Variants in LUC7L2 observed in about 807,000 individuals in gnomAD.
LUC7L2 encodes LUC7 like 2, pre-mRNA splicing factor, also known as putative RNA-binding protein Luc7-like 2.
Under a neutral mutation model 52.8 loss-of-function variants are expected in LUC7L2, and 25 were observed. That is an observed-to-expected ratio of 0.47 (90% CI 0.34 to 0.66). The LOEUF (loss-of-function observed/expected upper bound fraction) is 0.66. Ranked by LOEUF, LUC7L2 falls within the 30% of genes least tolerant of loss-of-function variation. The pLI, the probability that LUC7L2 is intolerant of heterozygous loss-of-function variation, is 0.01. For synonymous variants in LUC7L2, 144 were observed against 160.9 expected (o/e 0.89, Z 0.80); for missense variants, 328 against 497.8 (o/e 0.66, Z 3.25).
intron 1 of LUC7L2, among the ~76,000 whole-genome samples, chr7:139,371,146 A>G (rs902948931): frequency 7.9e-5 from 12 of 152,148 alleles, no homozygotes; most frequent in African/African-American, 2.9e-4. Context: ...CCCCATTTGT[A>G]GACATGGGAG....
chr7:139,401,940 G>T (rs915866788), intron 3 of LUC7L2, among the ~76,000 whole-genome samples, 197 bp from the exon 4 acceptor site: 11 of 151,894 alleles, frequency 7.2e-5, no homozygotes, highest in Non-Finnish European at 1.6e-4. Context: ...TTAAGTAGAG[G>T]CAGAGTTTCG....
chr7:139,411,408 A>G (rs1013343529), intron 7 of LUC7L2, among the ~76,000 whole-genome samples: 5 of 152,222 alleles, frequency 3.3e-5, no homozygotes, highest in Non-Finnish European at 5.9e-5. Flanking sequence ...CACTGTAGTA[A>G]GGAATTTATC....
In LUC7L2 at chr7:139,360,229, C is replaced by T. The variant is rs746363508; in HGVS notation, c.-33C>T. ...GCCCAAAAGGGCCCGGTCTGCGCCCCACCCCCGCCCGTCCGCCCGCTACGC... is the reference window on the plus strand; with the variant it reads ...GCCCAAAAGGGCCCGGTCTGCGCCCTACCCCCGCCCGTCCGCCCGCTACGC... On this transcript the variant is annotated 5_prime_UTR_variant, in exon 1 of 10. Coordinates refer to ENST00000354926, the MANE Select transcript of LUC7L2 (RefSeq NM_016019.5). 3.7e-5 allele frequency: 56 copies of T among 1,532,160 alleles called. No homozygotes were observed. Among genetic ancestry groups the T allele is most frequent in the Middle Eastern group, 4.5e-4 (2 of 4,420 alleles). 94.9% of individuals were successfully genotyped at this position (1,532,160 alleles called of 1,614,324 possible). A position where few individuals can be genotyped will look rare whatever the true frequency, so the allele number is the denominator to read the frequency against.
rs527287240 is a variant in LUC7L2, at chr7:139,345,918, A to T, written c.-26+5401A>T. 5.0e-4 allele frequency: 218 copies of T among 440,146 alleles called. 1 individual carries two copies. Among genetic ancestry groups the T allele is most frequent in the South Asian group, 2.3e-3 (58 of 25,436 alleles). The allele number at this position is 440,146 out of a possible 1,614,324, so 27.3% of individuals were successfully genotyped here. On this transcript the variant is annotated intron_variant, in intron 1 of 10. Transcript: ENST00000541170. ...TGATGTTGTTTTTCTACTTAAAAAA[A>T]TTTTTTTATATTTTATTTTAAAAGT...
At chr7:139,370,125 T>C (rs1800367841) in intron 1 of LUC7L2, among the ~76,000 whole-genome samples, 1 of 152,254 alleles carries the variant, frequency 6.6e-6, no homozygotes, top group African/African-American at 2.4e-5. Context: ...TGTATTATTA[T>C]GTTAAGACAT....
At chr7:139,364,685 G>T (rs3813692) in intron 1 of LUC7L2, among the ~76,000 whole-genome samples, 1 of 152,192 alleles carries the variant, frequency 6.6e-6, no homozygotes, top group Non-Finnish European at 1.5e-5. Context: ...AAGGTTAGTA[G>T]TACATAACCG....
intron 1 of LUC7L2, among the ~76,000 whole-genome samples, chr7:139,342,717 C>G (rs1799054100): frequency 6.6e-6 from 1 of 152,186 alleles, no homozygotes; most frequent in African/African-American, 2.4e-5. Context: ...CTGCCTCGGC[C>G]TCCCAAAGTG....
rs1244206036 is a variant in LUC7L2, at chr7:139,360,329, C to T, written c.61+7C>T. ...ATGGGCACCTCCCGGGACGGTAAGT[C>T]TCTGCCAGGGCCCTGGGGGTGGGGG... On this transcript the variant is annotated splice_region_variant and intron_variant, in intron 1 of 9. Coordinates refer to ENST00000354926, the MANE Select transcript of LUC7L2 (RefSeq NM_016019.5). 4.5e-6 allele frequency: 7 copies of T among 1,562,182 alleles called. No individual in the cohort carries two copies. Among genetic ancestry groups the T allele is most frequent in the Non-Finnish European group, 6.1e-6 (7 of 1,154,128 alleles).
intron 2 of LUC7L2, among the ~76,000 whole-genome samples, chr7:139,388,553 A>G (rs1319302767): frequency 6.6e-6 from 1 of 151,660 alleles, no homozygotes; most frequent in African/African-American, 2.4e-5. Context: ...CTTCTGGAAA[A>G]ATGCTTGAGC....
Position 139,360,342 on chromosome 7 carries a change from C to T in LUC7L2, c.61+20C>T, listed in dbSNP as rs1479373829. On this transcript the variant is annotated intron_variant, in intron 1 of 9. Transcript: ENST00000354926. Reference sequence around the variant, plus strand: ...GGGACGGTAAGTCTCTGCCAGGGCCCTGGGGGTGGGGGAGGGGACGGGGAC... The same window carrying T: ...GGGACGGTAAGTCTCTGCCAGGGCCTTGGGGGTGGGGGAGGGGACGGGGAC... The T allele has an allele frequency of 5.8e-6, 9 of 1,539,436 alleles. No homozygotes were observed. The highest frequency in any genetic ancestry group is 2.8e-5 in the African/African-American group (2 of 72,622).
intron 1 of LUC7L2, among the ~76,000 whole-genome samples, chr7:139,362,578 G>C (rs111451813): frequency 5.9e-5 from 9 of 151,264 alleles, no homozygotes; most frequent in African/African-American, 2.2e-4. Context: ...AGGTGGGAGA[G>C]AGATGGAAAA....
chr7:139,381,598 A>C (rs1801024508), intron 2 of LUC7L2, among the ~76,000 whole-genome samples: 1 of 149,624 alleles, frequency 6.7e-6, no homozygotes, highest in Non-Finnish European at 1.5e-5. Context: ...TTTTTTTGAG[A>C]CAGAGTCTCG....
chr7:139,343,886 A>G (rs1482988898), intron 1 of LUC7L2, among the ~76,000 whole-genome samples: 2 of 137,522 alleles, frequency 1.5e-5, no homozygotes, highest in East Asian at 2.1e-4. Flanking sequence ...TGTTCACGCT[A>G]TTGCACTCCA....
chr7:139,390,215 G>GTCTC (rs5887929), intron 2 of LUC7L2, among the ~76,000 whole-genome samples: 4,688 of 148,792 alleles, frequency 0.032, 105 homozygotes, highest in Non-Finnish European at 0.045. Flanking sequence ...CCAGTGCCCA[G>GTCTC]TCTCTCTCTC....
At chr7:139,398,578 T>C in intron 2 of LUC7L2, 21 bp from the exon 3 acceptor site, 1 of 1,578,446 alleles carries the variant, frequency 6.3e-7, no homozygotes, top group Non-Finnish European at 8.6e-7. Context: ...GTTTTAATAT[T>C]ATGTCTTTTT....
At chr7:139,359,870 C>T (rs1016252264), upstream of LUC7L2, 70 of 411,196 alleles carry the variant, frequency 1.7e-4, no homozygotes, top group Non-Finnish European at 2.5e-4. Flanking sequence ...CCGCGGGAAA[C>T]GACTGAGCGC....
intron 1 of LUC7L2, chr7:139,374,706 A>G (rs937183188): frequency 7.5e-6 from 10 of 1,325,382 alleles, no homozygotes; most frequent in African/African-American, 7.4e-5. Flanking sequence ...TTAAAATTTT[A>G]TATACCCTGG....
At chr7:139,359,677 T>G, upstream of LUC7L2, 1 of 397,088 alleles carries the variant, frequency 2.5e-6, no homozygotes, top group Non-Finnish European at 4.4e-6. Flanking sequence ...GGGAATGTAA[T>G]GTAAGGTTTG....
intron 1 of LUC7L2, among the ~76,000 whole-genome samples, chr7:139,353,680 C>A (rs2131160990): frequency 6.6e-6 from 1 of 152,190 alleles, no homozygotes; most frequent in Admixed American, 6.6e-5. Flanking sequence ...GTAGTCCCAG[C>A]TACTCAGAAG....
Sources: allele counts gnomAD v4.1 joint callset (sites outside exome capture counted in the v4.1 genomes callset), GRCh38; gene constraint gnomAD v4.1.1; transcripts MANE v1.5; gene names NCBI Gene and HGNC (gene_info 2026-07-23, HGNC 2026-07-21).